The following TNS1 variants were observed in gnomAD, a reference collection of about 807,000 sequenced individuals.
The protein encoded by TNS1 is tensin 1.
Under a neutral mutation model 168.6 loss-of-function variants are expected in TNS1, and 62 were observed. The ratio of observed to expected loss-of-function variants is 0.37; its 90% confidence interval spans 0.30 to 0.45. The LOEUF (loss-of-function observed/expected upper bound fraction) is 0.45, where lower values mean the gene tolerates loss of function less well. Ranked by LOEUF, TNS1 falls within the 20% of genes least tolerant of loss-of-function variation. The pLI is 1.00. For missense variants in TNS1, 2,240 were observed against 2,339.4 expected (o/e 0.96, Z 0.88); for synonymous variants, 934 against 933.2 (o/e 1.00, Z -0.02).
chr2:217,847,245 G>C (rs181708691), intron 19 of TNS1, among the ~76,000 whole-genome samples: 2 of 152,338 alleles, frequency 1.3e-5, no homozygotes, highest in East Asian at 3.9e-4. Flanking sequence ...GAAATCATCT[G>C]TCTGTGTATC....
At chr2:217,824,565 C>T (rs1262012645) in intron 22 of TNS1, among the ~76,000 whole-genome samples, 2 of 152,348 alleles carry the variant, frequency 1.3e-5, no homozygotes, top group East Asian at 1.9e-4. Flanking sequence ...CTGGCCCCAA[C>T]CTGCCCTTAC....
At chr2:217,834,511 C>T (rs2571446) in intron 21 of TNS1, among the ~76,000 whole-genome samples, 5,107 of 152,232 alleles carry the variant, frequency 0.034, 272 homozygotes, top group African/African-American at 0.11. Flanking sequence ...GGGTCTTGGC[C>T]TTAGGTGGAT....
intron 3 of TNS1, among the ~76,000 whole-genome samples, chr2:217,967,336 A>C (rs942298543): frequency 1.3e-5 from 2 of 152,078 alleles, no homozygotes; most frequent in African/African-American, 4.8e-5. Context: ...TAAATAAATA[A>C]ATAAATAAAA....
intron 3 of TNS1, among the ~76,000 whole-genome samples, chr2:217,941,947 G>T (rs1334229276): frequency 6.6e-6 from 1 of 152,112 alleles, no homozygotes; most frequent in African/African-American, 2.4e-5. Flanking sequence ...AAACTCCAAG[G>T]CTTCAGCCAC....
At chr2:217,938,922 T>C (rs1425032029) in intron 3 of TNS1, among the ~76,000 whole-genome samples, 1 of 152,110 alleles carries the variant, frequency 6.6e-6, no homozygotes, top group Non-Finnish European at 1.5e-5. Flanking sequence ...TGGGATCTGA[T>C]GTTAGGACCT....
At chr2:217,918,127 G>T (rs1955284877) in intron 4 of TNS1, among the ~76,000 whole-genome samples, 1 of 152,220 alleles carries the variant, frequency 6.6e-6, no homozygotes, top group Admixed American at 6.5e-5. Context: ...CTCCAGTGAG[G>T]TGGGCCAGCA....
intron 5 of TNS1, among the ~76,000 whole-genome samples, chr2:217,906,834 G>A (rs1953764014): frequency 6.6e-6 from 1 of 152,134 alleles, no homozygotes; most frequent in Admixed American, 6.5e-5. Flanking sequence ...ATAGCCTTGA[G>A]GAAACTGTCC....
At chr2:217,934,938 A>G (rs1956523654) in intron 3 of TNS1, among the ~76,000 whole-genome samples, 1 of 152,238 alleles carries the variant, frequency 6.6e-6, no homozygotes, top group South Asian at 2.1e-4. Flanking sequence ...AACGCCCCTA[A>G]CTCGAACTTC....
At chr2:217,927,280 G>C (rs940709046) in intron 3 of TNS1, among the ~76,000 whole-genome samples, 3 of 152,202 alleles carry the variant, frequency 2.0e-5, no homozygotes, top group African/African-American at 4.8e-5. Flanking sequence ...GCCCCCCTTT[G>C]GCTGGGACAC....
At chr2:217,844,358 C>A (rs1182560731) in intron 19 of TNS1, among the ~76,000 whole-genome samples, 1 of 152,102 alleles carries the variant, frequency 6.6e-6, no homozygotes, top group Admixed American at 6.5e-5. Context: ...TGGCATGTTC[C>A]CCCCATGAAA....
chr2:217,953,375 C>T (rs1468817578), intron 3 of TNS1, among the ~76,000 whole-genome samples: 1 of 152,180 alleles, frequency 6.6e-6, no homozygotes, highest in African/African-American at 2.4e-5. Context: ...TTGGCTCAAG[C>T]AATCTACCCT....
intron 3 of TNS1, chr2:217,937,100 G>T: frequency 2.2e-6 from 1 of 446,064 alleles, no homozygotes; most frequent in African/African-American, 2.0e-5. Flanking sequence ...CTTCTCCAAA[G>T]CTTCCTCCGC....
intron 18 of TNS1, chr2:217,858,700 A>ACACACACACACACACACACACC (rs1212064824): frequency 1.6e-5 from 3 of 188,238 alleles, no homozygotes; most frequent in African/African-American, 7.8e-5. Flanking sequence ...ACACACACAC[A>ACACACACACACACACACACACC]CCCCACTCCC....
intron 4 of TNS1, among the ~76,000 whole-genome samples, chr2:217,914,322 G>A (rs1406005031): frequency 6.6e-6 from 1 of 152,178 alleles, no homozygotes; most frequent in Non-Finnish European, 1.5e-5. Context: ...GATTACAGGG[G>A]AGGTATTCAG....
upstream of TNS1, chr2:218,003,014 C>T (rs74270368): frequency 0.16 from 69,114 of 437,604 alleles, 7,519 homozygotes; most frequent in East Asian, 0.39. Flanking sequence ...TCTCGCCCTG[C>T]TGCCTCCAGC....
At chr2:217,834,211 C>T (rs1214997117) in intron 21 of TNS1, among the ~76,000 whole-genome samples, 1 of 152,220 alleles carries the variant, frequency 6.6e-6, no homozygotes, top group Non-Finnish European at 1.5e-5. Flanking sequence ...TACATTGCCA[C>T]ATTCCTCTCC....
chr2:217,924,995 T>C (rs1039686954), intron 3 of TNS1, among the ~76,000 whole-genome samples: 1 of 152,188 alleles, frequency 6.6e-6, no homozygotes, highest in East Asian at 1.9e-4. Flanking sequence ...CACAGCAATA[T>C]GTGTTTGTAC....
At chr2:217,967,519 A>G (rs1156306089) in intron 3 of TNS1, among the ~76,000 whole-genome samples, 1 of 152,116 alleles carries the variant, frequency 6.6e-6, no homozygotes, top group Non-Finnish European at 1.5e-5. Flanking sequence ...TTCAGAAATA[A>G]AAAGAATTAT....
At chr2:217,847,224 TA>T (rs1946772911) in intron 19 of TNS1, among the ~76,000 whole-genome samples, 1 of 152,232 alleles carries the variant, frequency 6.6e-6, no homozygotes, top group South Asian at 2.1e-4. Flanking sequence ...CCGTACACAT[TA>T]CTCTCTAATG....
Sources: gnomAD v4.1 joint callset for allele counts (sites outside exome capture counted in the v4.1 genomes callset) on GRCh38, gnomAD v4.1.1 for gene constraint, MANE v1.5 for transcripts, NCBI Gene and HGNC (gene_info 2026-07-23, HGNC 2026-07-21) for gene names.